Variants in ZFYVE26 observed in about 807,000 individuals in gnomAD.
ZFYVE26 encodes zinc finger FYVE-type containing 26.
ZFYVE26 carries 181 observed loss-of-function variants against 276.5 expected under a neutral mutation model. That is an observed-to-expected ratio of 0.65 (90% confidence interval 0.58 to 0.74). The LOEUF is 0.74. ZFYVE26 is among the 30% of genes least tolerant of loss of function. The probability of loss-of-function intolerance (pLI) is 0.00; values close to 1 mark genes in which losing one functional copy is unlikely to be tolerated. For synonymous variants in ZFYVE26, 1,129 were observed against 1,203.1 expected (o/e 0.94, Z 1.27); for missense variants, 2,821 against 3,097.9 (o/e 0.91, Z 2.12).
At chr14:67,762,619 A>C (rs1214985640) in intron 33 of ZFYVE26, 53 bp downstream of exon 33, 1 of 1,609,098 alleles carries the variant, frequency 6.2e-7, no homozygotes, top group Non-Finnish European at 8.5e-7. Context: ...GCTAAGCAAA[A>C]GCAACTTGCT....
At chr14:67,783,550 T>C (rs764566828) in intron 20 of ZFYVE26, 25 bp from the exon 21 acceptor site, 15 of 1,609,066 alleles carry the variant, frequency 9.3e-6, no homozygotes, top group Admixed American at 8.3e-5. Flanking sequence ...GCAGAAAGCA[T>C]ACAAGGCCTG....
rs1273624652 is a variant in ZFYVE26, at chr14:67,747,780, AC to A, written c.*655del. ...AGCTTTCAGATGCCTGCACCTGAAA[AC>A]CCTTCTATTCAGACTACCTTCCAAA... On this transcript the variant is annotated 3_prime_UTR_variant, in exon 42 of 42. Transcript: ENST00000347230. 1 of 153,518 alleles carries A rather than the reference AC, an allele frequency of 6.5e-6. No homozygotes were observed. The highest frequency in any genetic ancestry group is 1.5e-5 in the Non-Finnish European group (1 of 68,876). 9.5% of individuals were successfully genotyped at this position (153,518 alleles called of 1,614,324 possible).
rs150109768 is a variant in ZFYVE26 at position 67,783,038 on chromosome 14, C to A, written c.4114G>T (p.Ala1372Ser). The A allele has an allele frequency of 3.7e-5, 59 of 1,614,026 alleles. No homozygotes were observed. Among genetic ancestry groups the A allele is most frequent in the Admixed American group, 5.0e-5 (3 of 60,006 alleles). The change falls in exon 21 of 42, where the codon GCT becomes TCT. Residue 1372 changes from alanine to serine, a missense_variant. Coordinates refer to ENST00000347230, the MANE Select transcript of ZFYVE26 (RefSeq NM_015346.4). ...QFPLFEAFLL[A>S]AWEPLRGSLQ... ...GACCCTCGCAGGGGCTCCCAGGCAG[C>A]CAGGAGGAAGGCCTCAAACAGAGGG...
chr14:67,794,427 T>C (rs1009254843), intron 12 of ZFYVE26, among the ~76,000 whole-genome samples, 188 bp from the exon 13 acceptor site: 45 of 152,196 alleles, frequency 3.0e-4, no homozygotes, highest in Admixed American at 4.6e-4. Context: ...GTGGGCTGAA[T>C]ATGGCAACAG....
intron 35 of ZFYVE26, among the ~76,000 whole-genome samples, chr14:67,759,562 T>C (rs2038879472): frequency 7.0e-6 from 1 of 143,844 alleles, no homozygotes. Flanking sequence ...AAGCAGAGGT[T>C]GTAGTGAGCT....
At chr14:67,755,428 G>A (rs760940057) in intron 36 of ZFYVE26, among the ~76,000 whole-genome samples, 178 bp from the exon 37 acceptor site, 43 of 152,118 alleles carry the variant, frequency 2.8e-4, no homozygotes, top group Non-Finnish European at 5.3e-4. Context: ...ATCCTGAAGT[G>A]CACTGACTGG....
At chr14:67,750,759 T>C (rs143413441) in intron 41 of ZFYVE26, 1 of 475,644 alleles carries the variant, frequency 2.1e-6, no homozygotes, top group African/African-American at 2.0e-5. Context: ...TTCCTAGGGC[T>C]CTCTGAGAGA....
chr14:67,804,607 C>G (rs1470639315), intron 8 of ZFYVE26, among the ~76,000 whole-genome samples: 1 of 152,148 alleles, frequency 6.6e-6, no homozygotes, highest in East Asian at 1.9e-4. Flanking sequence ...GAGTAAGAGC[C>G]CCTTGCTACT....
intron 13 of ZFYVE26, chr14:67,734,025 G>T (rs2038321214): frequency 1.8e-6 from 1 of 561,202 alleles, no homozygotes; most frequent in Non-Finnish European, 3.3e-6. Context: ...TTGTGAGACT[G>T]GCTTATGGCA....
chr14:67,748,448 G>C lies in ZFYVE26; in HGVS notation c.7608C>G (p.Gly2536=). 1.2e-6 allele frequency: 2 copies of C among 1,612,212 alleles called. No individual in the cohort carries two copies. Among genetic ancestry groups the C allele is most frequent in the Non-Finnish European group, 1.7e-6 (2 of 1,179,858 alleles). Residue 2536 remains glycine, a synonymous_variant, in exon 42 of 42, where the codon GGC becomes GGG. Coordinates refer to ENST00000347230, the MANE Select transcript of ZFYVE26 (RefSeq NM_015346.4). The part of the protein sequence containing the change: ...TSHPRGAHGP[G]SRK ...CCACTGCCCAAGGTCACTTCCTGGAGCCTGGGCCATGGGCACCCCGGGGGT... is the reference window on the plus strand; with the variant it reads ...CCACTGCCCAAGGTCACTTCCTGGACCCTGGGCCATGGGCACCCCGGGGGT...
Position 67,765,814 on chromosome 14 carries a change from T to C in ZFYVE26, c.6011+413A>G, listed in dbSNP as rs147356654. On this transcript the variant is annotated intron_variant, in intron 32 of 41. Coordinates refer to ENST00000347230, the MANE Select transcript of ZFYVE26 (RefSeq NM_015346.4). ...AATTCACTGAAGTCACAGTTTGAATTTGGTCAGGATTGGAGTAGAGTTTTG... is the reference window on the plus strand; with the variant it reads ...AATTCACTGAAGTCACAGTTTGAATCTGGTCAGGATTGGAGTAGAGTTTTG... Among the ~76,000 whole-genome samples the C allele has an allele frequency of 2.0e-3, 312 of 152,300 alleles. 1 individual carries two copies. Among genetic ancestry groups the C allele is most frequent in the African/African-American group, 7.2e-3 (300 of 41,552 alleles).
intron 35 of ZFYVE26, 164 bp downstream of exon 35, chr14:67,761,202 A>G: frequency 1.4e-6 from 1 of 731,476 alleles, no homozygotes; most frequent in Non-Finnish European, 2.4e-6. Flanking sequence ...TCACTGAATA[A>G]CAGTTGTGCA....
downstream of ZFYVE26, among the ~76,000 whole-genome samples, chr14:67,744,480 G>A (rs539301493): frequency 5.9e-5 from 9 of 152,140 alleles, no homozygotes; most frequent in South Asian, 2.1e-4. Context: ...TACATGTGCC[G>A]TGGTGGTCTG....
rs373177554 is a variant in ZFYVE26 at position 67,804,137 on chromosome 14, G to C, written c.1399C>G (p.Gln467Glu). The C allele has an allele frequency of 1.2e-5, 20 of 1,614,196 alleles. No homozygotes were observed. Among genetic ancestry groups the C allele is most frequent in the Non-Finnish European group, 1.7e-5 (20 of 1,180,020 alleles). The stretch of plus-strand genomic sequence containing the variant: ...TGGGGGTCCTTGGCTGGCACTTTCT[G>C]TAAGAGCTTGAGAACATCTTCCTCC... ...LREEDVLKLLQKVPAKDPQQE... is the reference protein window; with the variant it reads ...LREEDVLKLLEKVPAKDPQQE... The change falls in exon 9 of 42, where the codon CAG becomes GAG. Residue 467 changes from glutamine to glutamate, a missense_variant. Coordinates refer to ENST00000347230, the MANE Select transcript of ZFYVE26 (RefSeq NM_015346.4).
intron 16 of ZFYVE26, among the ~76,000 whole-genome samples, chr14:67,788,578 G>A (rs937485196): frequency 1.3e-5 from 2 of 152,144 alleles, no homozygotes; most frequent in African/African-American, 4.8e-5. Flanking sequence ...TTTATCCTAT[G>A]AGCCTTTTTA....
At chr14:67,799,463 G>A (rs2040034989) in intron 10 of ZFYVE26, 1 of 1,611,484 alleles carries the variant, frequency 6.2e-7, no homozygotes, top group African/African-American at 1.3e-5. Context: ...TGATGAAGGC[G>A]TGGATAGCCT....
chr14:67,781,520 C>T lies in ZFYVE26; in HGVS notation c.4382G>A (p.Gly1461Asp). The change falls in exon 22 of 42, where the codon GGT becomes GAT. Residue 1461 changes from glycine (G) to aspartate (D), a missense_variant. Gly to Asp is a moderately conservative substitution (Grantham distance 94). Coordinates refer to ENST00000347230, the MANE Select transcript of ZFYVE26 (RefSeq NM_015346.4). ...LSCAVACDKE[G>D]WQYLFPVKDA... ...CTTCACGGGAAACAGGTATTGCCAA[C>T]CTTCTTTGTCTATAAGACAAAAAAG... 1 of 1,614,094 alleles carries T rather than the reference C, an allele frequency of 6.2e-7. No homozygotes were observed. Among genetic ancestry groups the T allele is most frequent in the Non-Finnish European group, 8.5e-7 (1 of 1,180,038 alleles).
chr14:67,794,718 C>G (rs1178517912), intron 12 of ZFYVE26, among the ~76,000 whole-genome samples: 1 of 152,142 alleles, frequency 6.6e-6, no homozygotes, highest in Admixed American at 6.5e-5. Context: ...GCCGTTGTAG[C>G]AGGATAGCTT....
In ZFYVE26 at chr14:67,757,465, G is replaced by T. The variant is rs79662366; in HGVS notation, c.6589-1320C>A. 2.0e-3 allele frequency among the ~76,000 whole-genome samples: 308 copies of T among 152,218 alleles called. 4 individuals are homozygous for T. The highest frequency in any genetic ancestry group is 7.2e-3 in the African/African-American group (299 of 41,524). On this transcript the variant is annotated intron_variant, in intron 35 of 41. Transcript: ENST00000347230. ...CATAGATCTGCATGATTTGCTCCTCGTGTTCTTTGGAGCTTTACTCAGATG... is the reference window on the plus strand; with the variant it reads ...CATAGATCTGCATGATTTGCTCCTCTTGTTCTTTGGAGCTTTACTCAGATG...
Sources: gnomAD v4.1 joint callset for allele counts (sites outside exome capture counted in the v4.1 genomes callset) on GRCh38, gnomAD v4.1.1 for gene constraint, MANE v1.5 for transcripts, NCBI Gene and HGNC (gene_info 2026-07-23, HGNC 2026-07-21) for gene names.